ZFAND3: variants seen among roughly 807,000 people sequenced by gnomAD.
ZFAND3 encodes the protein AN1-type zinc finger protein 3.
In ZFAND3, 10 loss-of-function variants were observed where a neutral mutation model predicts 29.6. The ratio of observed to expected loss-of-function variants is 0.34; its 90% confidence interval spans 0.21 to 0.57. The LOEUF is 0.57. Among genes scored for constraint, ZFAND3 ranks in the 20% least tolerant of loss-of-function variants. The probability of loss-of-function intolerance (pLI) is 0.86; values close to 1 mark genes in which losing one functional copy is unlikely to be tolerated. For missense variants in ZFAND3, 230 were observed against 304.5 expected (o/e 0.76, Z 1.82); for synonymous variants, 128 against 112.6 (o/e 1.14, Z -0.87).
intron 2 of ZFAND3, chr6:38,003,675 T>G (rs1013585772): frequency 1.2e-4 from 37 of 303,752 alleles, no homozygotes; most frequent in African/African-American, 4.6e-4. Context: ...ATTTTTGTGT[T>G]TTTTTTTTTT....
At chr6:38,070,406 C>CTTTTTATATAAAAATAAAATCT (rs1220584076) in intron 3 of ZFAND3, among the ~76,000 whole-genome samples, 2 of 135,592 alleles carry the variant, frequency 1.5e-5, no homozygotes, top group Non-Finnish European at 3.2e-5. Flanking sequence ...AAGAATGAAA[C>CTTTTTATATAAAAATAAAATCT]TTAGTCTAAA....
intron 2 of ZFAND3, among the ~76,000 whole-genome samples, chr6:37,997,478 A>G (rs758133123): frequency 5.3e-5 from 8 of 152,224 alleles, no homozygotes; most frequent in Non-Finnish European, 1.0e-4. Flanking sequence ...GCTCAGATGC[A>G]TGCATAGTGT....
At chr6:38,045,385 G>A (rs186908589) in intron 2 of ZFAND3, among the ~76,000 whole-genome samples, 30 of 152,098 alleles carry the variant, frequency 2.0e-4, no homozygotes, top group African/African-American at 7.2e-4. Flanking sequence ...CACTGTGCCC[G>A]GCCATTCCTA....
At chr6:37,963,166 C>A (rs1325656664) in intron 2 of ZFAND3, among the ~76,000 whole-genome samples, 1 of 152,160 alleles carries the variant, frequency 6.6e-6, no homozygotes, top group Middle Eastern at 3.2e-3. Context: ...ACCAAGAACC[C>A]ACTGGAAGGA....
chr6:37,951,907 T>C (rs921987406), intron 2 of ZFAND3, among the ~76,000 whole-genome samples: 2 of 152,224 alleles, frequency 1.3e-5, no homozygotes, highest in Non-Finnish European at 2.9e-5. Flanking sequence ...CGAAGCGATG[T>C]TGACTTTTAT....
chr6:37,832,820 G>A (rs1025807758), intron 1 of ZFAND3: 1 of 152,140 alleles, frequency 6.6e-6, no homozygotes, highest in African/African-American at 2.4e-5. Context: ...AGGACTACAG[G>A]TGCATGCCAC....
At chr6:37,873,597 T>C (rs896190974) in intron 1 of ZFAND3, among the ~76,000 whole-genome samples, 1 of 152,232 alleles carries the variant, frequency 6.6e-6, no homozygotes, top group Non-Finnish European at 1.5e-5. Context: ...AATTGTCTGT[T>C]GACCTAATTT....
At chr6:37,967,659 A>T (rs1301179796) in intron 2 of ZFAND3, among the ~76,000 whole-genome samples, 1 of 152,200 alleles carries the variant, frequency 6.6e-6, no homozygotes, top group Non-Finnish European at 1.5e-5. Flanking sequence ...ATACCTCAGG[A>T]TTCATTCTAG....
At chr6:38,113,036 G>A (rs1765350231) in intron 4 of ZFAND3, among the ~76,000 whole-genome samples, 2 of 152,050 alleles carry the variant, frequency 1.3e-5, no homozygotes, top group Admixed American at 1.3e-4. Flanking sequence ...ATTTACCCTC[G>A]CTCTTGGTGG....
intron 3 of ZFAND3, among the ~76,000 whole-genome samples, chr6:38,079,692 A>T (rs545347320): frequency 1.3e-5 from 2 of 152,308 alleles, no homozygotes; most frequent in East Asian, 3.9e-4. Context: ...TGTGCAGCTC[A>T]TGGTGTTATG....
chr6:38,153,328 G>A lies in ZFAND3; in HGVS notation c.*939G>A. ...GTAGAAGTGCTGGGAGCAGCAGCTG[G>A]GGAAGCTGCCGCCCACGGGCTCTGC... On this transcript the variant is annotated 3_prime_UTR_variant, in exon 6 of 6. Transcript: ENST00000287218. 3 of 985,478 alleles carry A rather than the reference G, an allele frequency of 3.0e-6. No homozygotes were observed. Among genetic ancestry groups the A allele is most frequent in the Non-Finnish European group, 3.6e-6 (3 of 829,946 alleles). 61.0% of individuals were successfully genotyped at this position (985,478 alleles called of 1,614,324 possible).
chr6:38,132,473 C>T (rs1196075559), intron 5 of ZFAND3, among the ~76,000 whole-genome samples: 2 of 152,222 alleles, frequency 1.3e-5, no homozygotes, highest in African/African-American at 4.8e-5. Flanking sequence ...TGTCCCTGCA[C>T]TCCAGCCAGG....
At chr6:38,049,685 T>C (rs1763980145) in intron 2 of ZFAND3, among the ~76,000 whole-genome samples, 1 of 152,148 alleles carries the variant, frequency 6.6e-6, no homozygotes, top group Non-Finnish European at 1.5e-5. Flanking sequence ...TAAAAATTAG[T>C]CAGTTAGCCC....
chr6:38,097,355 A>G (rs973131482), intron 4 of ZFAND3, among the ~76,000 whole-genome samples: 18 of 150,710 alleles, frequency 1.2e-4, no homozygotes, highest in African/African-American at 4.4e-4. Context: ...CCAAAGTGCT[A>G]GAATTACAGG....
chr6:37,966,083 TC>T (rs1036976250), intron 2 of ZFAND3, among the ~76,000 whole-genome samples: 1 of 152,082 alleles, frequency 6.6e-6, no homozygotes, highest in Non-Finnish European at 1.5e-5. Flanking sequence ...ACTTTAATGA[TC>T]CTTTACACAA....
rs1765571005 is a variant in ZFAND3 at position 38,123,401 on chromosome 6, A to G, written c.529+6662A>G. ...ATTCTTATTCAAGTGTAAACCTGTCAGGAACATTTGGCATTCTGTCTTATG... is the reference window on the plus strand; with the variant it reads ...ATTCTTATTCAAGTGTAAACCTGTCGGGAACATTTGGCATTCTGTCTTATG... On this transcript the variant is annotated intron_variant, in intron 5 of 5. Transcript: ENST00000287218. 1.3e-5 allele frequency among the ~76,000 whole-genome samples: 2 copies of G among 152,242 alleles called. 1 individual carries two copies. The highest frequency in any genetic ancestry group is 4.1e-4 in the South Asian group (2 of 4,830).
At chr6:38,034,847 A>T (rs1012191754) in intron 2 of ZFAND3, among the ~76,000 whole-genome samples, 24 of 152,128 alleles carry the variant, frequency 1.6e-4, no homozygotes, top group African/African-American at 5.5e-4. Context: ...TTTGATACAT[A>T]CAATTGTTCT....
intron 4 of ZFAND3, among the ~76,000 whole-genome samples, chr6:38,107,551 G>T (rs1765232953): frequency 6.6e-6 from 1 of 152,154 alleles, no homozygotes; most frequent in Non-Finnish European, 1.5e-5. Flanking sequence ...TTCCCTTCCT[G>T]CCAGGCACAG....
chr6:37,960,636 G>A (rs1234864629), intron 2 of ZFAND3, among the ~76,000 whole-genome samples: 5 of 152,030 alleles, frequency 3.3e-5, no homozygotes, highest in Non-Finnish European at 5.9e-5. Flanking sequence ...GGGAATAAAG[G>A]GAAGTTTAGA....
Sources: allele counts gnomAD v4.1 joint callset (sites outside exome capture counted in the v4.1 genomes callset), GRCh38; gene constraint gnomAD v4.1.1; transcripts MANE v1.5; gene names NCBI Gene and HGNC (gene_info 2026-07-23, HGNC 2026-07-21).